SLIT3: variants seen among roughly 807,000 people sequenced by gnomAD.
The protein encoded by SLIT3 is slit guidance ligand 3, also known as slit homolog 3 protein.
Under a neutral mutation model 184.0 loss-of-function variants are expected in SLIT3, and 68 were observed. That is an observed-to-expected ratio of 0.37 (90% CI 0.30 to 0.45). The LOEUF is 0.45. Among genes scored for constraint, SLIT3 ranks in the 20% least tolerant of loss-of-function variants. The pLI, the probability that SLIT3 is intolerant of heterozygous loss-of-function variation, is 1.00. For missense variants in SLIT3, 1,707 were observed against 2,026.0 expected (o/e 0.84, Z 3.02); for synonymous variants, 831 against 828.6 (o/e 1.00, Z -0.05).
chr5:168,913,308 C>T (rs1761315105), intron 4 of SLIT3, among the ~76,000 whole-genome samples: 1 of 152,234 alleles, frequency 6.6e-6, no homozygotes, highest in African/African-American at 2.4e-5. Flanking sequence ...AGTAAGGCAA[C>T]TGGCTGCCAT....
At chr5:169,247,914 A>G (rs1047642114) in intron 2 of SLIT3, among the ~76,000 whole-genome samples, 1 of 152,112 alleles carries the variant, frequency 6.6e-6, no homozygotes, top group Non-Finnish European at 1.5e-5. Context: ...GTGAGCCACC[A>G]CATCTAGCCA....
chr5:169,002,425 A>G (rs1430740996), intron 4 of SLIT3, among the ~76,000 whole-genome samples: 2 of 152,008 alleles, frequency 1.3e-5, no homozygotes, highest in African/African-American at 4.8e-5. Flanking sequence ...GGAGCAGACA[A>G]TGAAAAGAAT....
At chr5:169,050,102 T>G (rs1315278309) in intron 4 of SLIT3, among the ~76,000 whole-genome samples, 4 of 152,038 alleles carry the variant, frequency 2.6e-5, no homozygotes, top group African/African-American at 9.7e-5. Flanking sequence ...TTTTCTACAG[T>G]CAGCAACAGA....
chr5:169,187,717 C>A (rs919358481), intron 4 of SLIT3, among the ~76,000 whole-genome samples: 1 of 151,986 alleles, frequency 6.6e-6, no homozygotes, highest in Non-Finnish European at 1.5e-5. Flanking sequence ...CCACGCCCAG[C>A]TAATTTTTGT....
intron 4 of SLIT3, among the ~76,000 whole-genome samples, chr5:169,175,256 T>C (rs1242511210): frequency 6.6e-6 from 1 of 152,232 alleles, no homozygotes; most frequent in African/African-American, 2.4e-5. Context: ...GCTGTTGCTA[T>C]ATCCATTTAC....
chr5:168,708,018 G>C lies in SLIT3; in HGVS notation c.2802C>G (p.Asp934Glu), dbSNP rs563358451. The C allele has an allele frequency of 6.2e-7, 1 of 1,614,206 alleles. No individual in the cohort carries two copies. Among genetic ancestry groups the C allele is most frequent in the East Asian group, 2.2e-5 (1 of 44,874 alleles). Residue 934 changes from aspartate (D) to glutamate (E), a missense_variant, in exon 26 of 36, where the codon GAC (aspartate) becomes GAG (glutamate). Asp to Glu is a conservative substitution (Grantham distance 45, BLOSUM62 2). Coordinates refer to ENST00000519560, the MANE Select transcript of SLIT3 (RefSeq NM_003062.4). ...PCKNNGTCTQ[D>E]PVELYRCACP... Reference sequence around the variant, plus strand: ...AGGCACAGCGGTACAGCTCCACAGGGTCCTGGGTGCATGTCCCGTTATTCT... The same window carrying C: ...AGGCACAGCGGTACAGCTCCACAGGCTCCTGGGTGCATGTCCCGTTATTCT...
chr5:168,712,720 G>C (rs770892118), intron 23 of SLIT3: 9 of 206,010 alleles, frequency 4.4e-5, no homozygotes, highest in Admixed American at 1.1e-4. Context: ...TGGAGTTTCA[G>C]AGATCATATG....
Position 168,985,604 on chromosome 5 carries a change from C to T in SLIT3, c.414-102268G>A, listed in dbSNP as rs559996223. Among the ~76,000 whole-genome samples, 6 of 152,282 alleles carry T rather than the reference C, an allele frequency of 3.9e-5. No individual in the cohort carries two copies. The South Asian group carries it at 6.2e-4, about 16-fold the overall frequency. ...AATTTCAGTTCCTATGCATGGTGGGCGCAGCATGTGGTCTGGGCTAAGGCA... is the reference window on the plus strand; with the variant it reads ...AATTTCAGTTCCTATGCATGGTGGGTGCAGCATGTGGTCTGGGCTAAGGCA... On this transcript the variant is annotated intron_variant, in intron 4 of 35. Coordinates refer to ENST00000519560, the MANE Select transcript of SLIT3 (RefSeq NM_003062.4).
At chr5:169,189,831 TAGG>T (rs1239841780) in intron 4 of SLIT3, among the ~76,000 whole-genome samples, 1 of 152,022 alleles carries the variant, frequency 6.6e-6, no homozygotes, top group Non-Finnish European at 1.5e-5. Flanking sequence ...ACAGAGTTGT[TAGG>T]AGAATTAAAT....
At chr5:169,055,310 T>A (rs17070775) in intron 4 of SLIT3, among the ~76,000 whole-genome samples, 62,206 of 151,934 alleles carry the variant, frequency 0.41, 13,692 homozygotes, top group African/African-American at 0.58. Context: ...ATTTTAGGAG[T>A]TACGCGGTAA....
intron 3 of SLIT3, among the ~76,000 whole-genome samples, chr5:169,201,520 A>G (rs532078729): frequency 6.6e-5 from 10 of 152,316 alleles, no homozygotes; most frequent in Non-Finnish European, 1.0e-4. Context: ...TATTATCAGT[A>G]TAATTGTCCC....
intron 20 of SLIT3, among the ~76,000 whole-genome samples, chr5:168,741,509 G>C (rs1288893091): frequency 7.1e-6 from 1 of 140,014 alleles, no homozygotes; most frequent in African/African-American, 2.7e-5. Context: ...AGACAAGACA[G>C]ATTCAGAGAG....
intron 1 of SLIT3, among the ~76,000 whole-genome samples, chr5:169,271,719 A>G (rs941836256): frequency 1.3e-5 from 2 of 152,242 alleles, no homozygotes; most frequent in Non-Finnish European, 2.9e-5. Context: ...TGGAAGCTAC[A>G]GAGTGCTTCA....
chr5:169,126,914 AGATCCACTGGGAGTCATCAGGACTTCAC>A (rs139753499), intron 4 of SLIT3, among the ~76,000 whole-genome samples: 34,868 of 151,798 alleles, frequency 0.23, 4,283 homozygotes, highest in Non-Finnish European at 0.28. Flanking sequence ...CTCTTTACTG[AGATCCACTGGGAGTCATCAGGACTTCAC>A]GATCCACATA....
chr5:168,702,079 T>C (rs1348587289), intron 26 of SLIT3, among the ~76,000 whole-genome samples: 1 of 152,066 alleles, frequency 6.6e-6, no homozygotes. Flanking sequence ...CAGTCAGAGG[T>C]TTCTTGGAGG....
chr5:168,854,428 C>T (rs1045171096), intron 5 of SLIT3, among the ~76,000 whole-genome samples: 5 of 152,204 alleles, frequency 3.3e-5, no homozygotes, highest in African/African-American at 7.2e-5. Context: ...TTGGGAGTCC[C>T]AGTCCATTTG....
intron 4 of SLIT3, among the ~76,000 whole-genome samples, chr5:168,890,212 T>TCTCTAAA (rs1561990170): frequency 6.6e-6 from 1 of 151,848 alleles, no homozygotes; most frequent in African/African-American, 2.4e-5. Flanking sequence ...AGAAAGCTTG[T>TCTCTAAA]CTCTAAACTC....
At chr5:168,859,909 C>T (rs1253992917) in intron 5 of SLIT3, among the ~76,000 whole-genome samples, 1 of 152,136 alleles carries the variant, frequency 6.6e-6, no homozygotes, top group African/African-American at 2.4e-5. Context: ...CCCTGATTAC[C>T]AACTGTAACA....
chr5:168,669,041 C>CTGACT (rs1321285139), intron 35 of SLIT3, among the ~76,000 whole-genome samples: 3 of 152,228 alleles, frequency 2.0e-5, no homozygotes, highest in Non-Finnish European at 4.4e-5. Context: ...AATGTTGCTT[C>CTGACT]TGACTTTACA....
Sources: gnomAD v4.1 joint callset for allele counts (sites outside exome capture counted in the v4.1 genomes callset) on GRCh38, gnomAD v4.1.1 for gene constraint, MANE v1.5 for transcripts, NCBI Gene and HGNC (gene_info 2026-07-23, HGNC 2026-07-21) for gene names.